APC2: variants seen among roughly 807,000 people sequenced by gnomAD.
APC2 encodes APC regulator of Wnt signaling pathway 2.
APC2 carries 41 observed loss-of-function variants against 72.5 expected under a neutral mutation model. That is an observed-to-expected ratio of 0.57 (90% CI 0.44 to 0.73). The LOEUF is 0.73. APC2 is among the 30% of genes least tolerant of loss of function. APC2 has a pLI of 0.00. For missense variants in APC2, 3,729 were observed against 3,403.4 expected, an observed-to-expected ratio of 1.10 and a Z score of -2.38; for synonymous variants, 1,898 against 1,612.0, an observed-to-expected ratio of 1.18 and a Z score of -4.25.
Position 1,467,252 on chromosome 19 carries a change from G to T in APC2, c.3951G>T (p.Gly1317=). The part of the protein sequence containing the change: ...GAGGAGLHFA[G]HRRREEGPAP... ...GGGGCGCCGGCCTCCACTTTGCAGG[G>T]CACCGGCGGCGGGAGGAGGGGCCGG... is the stretch of plus-strand genomic sequence containing the variant. Residue 1317 remains glycine, a synonymous_variant, in exon 15 of 15, where the codon GGG becomes GGT. Transcript: ENST00000590469. The T allele has an allele frequency of 7.6e-7, 1 of 1,313,494 alleles. No homozygotes were observed. The highest frequency in any genetic ancestry group is 2.3e-5 in the South Asian group (1 of 44,350). 81.4% of individuals were successfully genotyped at this position (1,313,494 alleles called of 1,614,324 possible).
In APC2 at chr19:1,461,022, C is replaced by T. The variant is rs1438239040; in HGVS notation, c.1522-15C>T. ...GGACCCTAGTCCCACCACACTTGCC[C>T]CTCACCCCACCCAGGTGGTGTCCAG... On this transcript the variant is annotated splice_polypyrimidine_tract_variant and intron_variant, in intron 12 of 14. Coordinates refer to ENST00000590469, the MANE Select transcript of APC2 (RefSeq NM_005883.3). 4.3e-6 allele frequency: 7 copies of T among 1,613,610 alleles called. No individual in the cohort carries two copies. The highest frequency in any genetic ancestry group is 4.5e-5 in the East Asian group (2 of 44,884).
At position 1,468,783 on chromosome 19, in the gene APC2, G is replaced by C; in HGVS notation, c.5482G>C (p.Ala1828Pro). ...VAPPCLAQPA[A>P]PAKVPSPGQQ... ...GCCCCCTTGCCTGGCACAGCCCGCG[G>C]CTCCAGCCAAAGTCCCGAGCCCCGG... The change falls in exon 15 of 15, where the codon GCT (alanine) becomes CCT (proline). Residue 1828 changes from alanine to proline, a missense_variant. By Grantham distance (27) the Ala-to-Pro change is conservative. Transcript: ENST00000590469. 2 of 1,516,276 alleles carry C rather than the reference G, an allele frequency of 1.3e-6. No individual in the cohort carries two copies. Among genetic ancestry groups the C allele is most frequent in the Non-Finnish European group, 1.8e-6 (2 of 1,134,058 alleles). The allele number at this position is 1,516,276 out of a possible 1,614,324, so 93.9% of individuals were successfully genotyped here.
At position 1,470,407 on chromosome 19, in the gene APC2, C is replaced by T. The variant is rs2084115083; in HGVS notation, c.*194C>T. On this transcript the variant is annotated 3_prime_UTR_variant, in exon 15 of 15. Transcript: ENST00000590469. The stretch of plus-strand genomic sequence containing the variant: ...ACCGGAAGACCTTGCCTCTGTGCCG[C>T]GGAGGTCCAGGAGGAAACGGGGCGG... The T allele has an allele frequency of 4.8e-6, 4 of 836,272 alleles. No individual in the cohort carries two copies. In the Admixed American group the frequency reaches 1.4e-4, roughly 29 times the overall value. 51.8% of individuals were successfully genotyped at this position (836,272 alleles called of 1,614,324 possible). A position where few individuals can be genotyped will look rare whatever the true frequency, so the allele number is the denominator to read the frequency against.
upstream of APC2, among the ~76,000 whole-genome samples, chr19:1,447,299 G>T (rs2083696509): frequency 6.6e-6 from 1 of 152,232 alleles, no homozygotes; most frequent in Admixed American, 6.5e-5. Context: ...CACAGAGGAG[G>T]CATCAAGGGG....
chr19:1,452,061 A>T lies in APC2; in HGVS notation c.-18-923A>T, dbSNP rs1157158946. 1 of 149,222 alleles carries T rather than the reference A, an allele frequency of 6.7e-6. No homozygotes were observed. Among genetic ancestry groups the T allele is most frequent in the East Asian group, 2.1e-4 (1 of 4,828 alleles). 9.2% of individuals were successfully genotyped at this position (149,222 alleles called of 1,614,324 possible). On this transcript the variant is annotated intron_variant, in intron 1 of 14. Coordinates refer to ENST00000590469, the MANE Select transcript of APC2 (RefSeq NM_005883.3). The surrounding 1 kb of genome is among the most constrained non-coding windows in gnomAD (Gnocchi z 5.1). ...GGCTGCCATTGGTGCGTCTGAGACA[A>T]AGGCGGAGGGAGGAGGCGAGCGCTG...
intron 4 of APC2, among the ~76,000 whole-genome samples, chr19:1,454,859 G>A (rs2083795375): frequency 6.6e-6 from 1 of 152,086 alleles, no homozygotes; most frequent in South Asian, 2.1e-4. Flanking sequence ...GAGCCACCGC[G>A]CCCGGCCGGC....
Position 1,467,327 on chromosome 19 carries a change from G to A in APC2, c.4026G>A (p.Leu1342=). ...GCGCCGCGGACCAGGAGCTGGAACTGCTGCGGGAGTGCCTGGGAGCCGCCG... is the reference window on the plus strand; with the variant it reads ...GCGCCGCGGACCAGGAGCTGGAACTACTGCGGGAGTGCCTGGGAGCCGCCG... The part of the protein sequence containing the change: ...PRGAADQELE[L]LRECLGAAVP... Residue 1342 remains leucine (L), a synonymous_variant, in exon 15 of 15, where the codon CTG becomes CTA. Transcript: ENST00000590469. The A allele has an allele frequency of 4.2e-6, 6 of 1,414,152 alleles. No individual in the cohort carries two copies. The highest frequency in any genetic ancestry group is 4.6e-6 in the Non-Finnish European group (5 of 1,087,872). The allele number at this position is 1,414,152 out of a possible 1,614,324, so 87.6% of individuals were successfully genotyped here.
upstream of APC2, chr19:1,450,111 TC>T: frequency 1.0e-6 from 1 of 981,742 alleles, no homozygotes; most frequent in Non-Finnish European, 1.2e-6. Flanking sequence ...TCCCGCATCC[TC>T]CCCCGCTCGC....
Position 1,466,506 on chromosome 19 carries a change from C to G in APC2, c.3205C>G (p.Arg1069Gly), listed in dbSNP as rs1480304989. The stretch of plus-strand genomic sequence containing the variant: ...GCAAGAGGGGCCACTCTCGCTGTCC[C>G]GATGCAGCTCCCTTTCCTCGCTGTC... The part of the protein sequence containing the change: ...AAQEGPLSLS[R>G]CSSLSSLSSA... The change falls in exon 15 of 15, where the codon CGA (arginine) becomes GGA (glycine). Residue 1069 changes from arginine (R) to glycine (G), a missense_variant. Coordinates refer to ENST00000590469, the MANE Select transcript of APC2 (RefSeq NM_005883.3). 7.5e-6 allele frequency: 12 copies of G among 1,596,548 alleles called. No homozygotes were observed. The highest frequency in any genetic ancestry group is 9.3e-6 in the Non-Finnish European group (11 of 1,178,940).
chr19:1,466,854 T>C lies in APC2; in HGVS notation c.3553T>C (p.Cys1185Arg). The stretch of plus-strand genomic sequence containing the variant: ...CGCCAGCTCCATCCCCAGTGAACCT[T>C]GCAGCGGGCAGGGCAGCGGCACCAT... ...SIASSIPSEP[C>R]SGQGSGTISP... Residue 1185 changes from cysteine (C) to arginine (R), a missense_variant, in exon 15 of 15, where the codon TGC becomes CGC. Coordinates refer to ENST00000590469, the MANE Select transcript of APC2 (RefSeq NM_005883.3). 6.4e-7 allele frequency: 1 copy of C among 1,560,790 alleles called. No individual in the cohort carries two copies. The highest frequency in any genetic ancestry group is 8.7e-7 in the Non-Finnish European group (1 of 1,153,736).
Position 1,457,218 on chromosome 19 carries a change from G to A in APC2, c.1182G>A (p.Gly394=). The A allele has an allele frequency of 8.4e-6, 13 of 1,542,474 alleles. No homozygotes were observed. The highest frequency in any genetic ancestry group is 4.0e-5 in the Admixed American group (2 of 50,396). Residue 394 remains glycine, a synonymous_variant, in exon 9 of 15, where the codon GGG becomes GGA. Transcript: ENST00000590469. ...CWDWLQARDG[G]PEGGGAGSAP... ...ACTGGCTGCAGGCCCGAGACGGCGG[G>A]CCCGAGGGAGGTGGCGCCGGCAGCG...
Position 1,466,823 on chromosome 19 carries a change from G to T in APC2, c.3522G>T (p.Pro1174=). Reference sequence around the variant, plus strand: ...GCTCGCTGGGCAGCTTCGAGAGCCCGTCCATCGCCAGCTCCATCCCCAGTG... The same window carrying T: ...GCTCGCTGGGCAGCTTCGAGAGCCCTTCCATCGCCAGCTCCATCCCCAGTG... The part of the protein sequence containing the change: ...SVSSLGSFES[P]SIASSIPSEP... Residue 1174 remains proline, a synonymous_variant, in exon 15 of 15, where the codon CCG becomes CCT. Coordinates refer to ENST00000590469, the MANE Select transcript of APC2 (RefSeq NM_005883.3). The T allele has an allele frequency of 6.4e-7, 1 of 1,554,774 alleles. No individual in the cohort carries two copies. Among genetic ancestry groups the T allele is most frequent in the Non-Finnish European group, 8.7e-7 (1 of 1,150,458 alleles).
chr19:1,465,731 C>T lies in APC2; in HGVS notation c.2430C>T (p.Phe810=), dbSNP rs747767664. 1.3e-6 allele frequency: 2 copies of T among 1,552,392 alleles called. No homozygotes were observed. The highest frequency in any genetic ancestry group is 1.7e-6 in the Non-Finnish European group (2 of 1,150,798). The change falls in exon 15 of 15, where the codon TTC becomes TTT. Residue 810 remains phenylalanine, a synonymous_variant. Transcript: ENST00000590469. ...TGTCCCTCTTCCTGGGCAGCCCCTT[C>T]CTGCAGGGGCAGGCGCTGGCTCGCA... The part of the protein sequence containing the change: ...AALSLFLGSP[F]LQGQALARTP...
rs555101892 is a variant in APC2, at chr19:1,465,393, C to T, written c.2092C>T (p.Arg698Trp). 3.8e-6 allele frequency: 6 copies of T among 1,567,262 alleles called. No homozygotes were observed. The highest frequency in any genetic ancestry group is 2.3e-5 in the East Asian group (1 of 42,978). ...AAALRNLLAH[R>W]PAKHQAAATA... ...CGCCCTGCGCAACCTGCTGGCCCAT[C>T]GGCCCGCCAAGCACCAGGCGGCCGC... The change falls in exon 15 of 15, where the codon CGG (arginine) becomes TGG (tryptophan). Residue 698 changes from arginine (R) to tryptophan (W), a missense_variant. Physicochemically the swap from Arg to Trp is moderately radical, Grantham distance 101. Coordinates refer to ENST00000590469, the MANE Select transcript of APC2 (RefSeq NM_005883.3).
intron 14 of APC2, among the ~76,000 whole-genome samples, chr19:1,464,708 C>T (rs1422269217): frequency 6.8e-6 from 1 of 147,210 alleles, no homozygotes; most frequent in Non-Finnish European, 1.5e-5. Flanking sequence ...TCTCGGCTCA[C>T]TGCAGCCTCT....
Position 1,461,072 on chromosome 19 carries a change from G to T in APC2, c.1557G>T (p.Arg519Ser). 1 of 1,613,876 alleles carries T rather than the reference G, an allele frequency of 6.2e-7. No individual in the cohort carries two copies. ...GCATCCTTCGGAACTTGTCCTGGAG[G>T]GCCGACATCAACAGCAAGAAGGTGC... ...VSSILRNLSW[R>S]ADINSKKVLR... is the part of the protein sequence containing the mutation. The change falls in exon 13 of 15, where the codon AGG becomes AGT. Residue 519 changes from arginine (R) to serine (S), a missense_variant. Physicochemically the swap from Arg to Ser is moderately radical, Grantham distance 110. Coordinates refer to ENST00000590469, the MANE Select transcript of APC2 (RefSeq NM_005883.3).
At chr19:1,449,139 T>G (rs2083714715), upstream of APC2, among the ~76,000 whole-genome samples, 1 of 152,180 alleles carries the variant, frequency 6.6e-6, no homozygotes, top group African/African-American at 2.4e-5. Flanking sequence ...CACCAGCCCT[T>G]GCAGAATCTT....
intron 4 of APC2, among the ~76,000 whole-genome samples, chr19:1,454,620 G>A (rs1244127518): frequency 6.1e-5 from 9 of 146,876 alleles, no homozygotes; most frequent in African/African-American, 2.3e-4. Context: ...CTGGAGTGCA[G>A]TGGCGCGATC....
At position 1,469,839 on chromosome 19, in the gene APC2, G is replaced by A. The variant is rs2084102533; in HGVS notation, c.6538G>A (p.Gly2180Arg). The change falls in exon 15 of 15, where the codon GGG becomes AGG. Residue 2180 changes from glycine to arginine, a missense_variant. By Grantham distance (125) the Gly-to-Arg change is moderately radical (BLOSUM62 -2). Transcript: ENST00000590469. ...RGSTPEDAPA[G>R]PPPRKTSDAV... is the part of the protein sequence containing the mutation. ...CTCCACGCCCGAGGACGCCCCGGCC[G>A]GGCCCCCGCCGCGCAAGACCAGCGA... The A allele has an allele frequency of 2.0e-6, 3 of 1,518,544 alleles. No homozygotes were observed. Among genetic ancestry groups the A allele is most frequent in the Admixed American group, 2.0e-5 (1 of 49,544 alleles). 94.1% of individuals were successfully genotyped at this position (1,518,544 alleles called of 1,614,324 possible).
Sources: allele counts gnomAD v4.1 joint callset (sites outside exome capture counted in the v4.1 genomes callset), GRCh38; gene constraint gnomAD v4.1.1; non-coding constraint Gnocchi (gnomAD v3.1); transcripts MANE v1.5; gene names NCBI Gene and HGNC (gene_info 2026-07-23, HGNC 2026-07-21).